NRCAM: variants seen among roughly 807,000 people sequenced by gnomAD.
NRCAM encodes NgCAM-related cell adhesion molecule.
Under a neutral mutation model 156.5 loss-of-function variants are expected in NRCAM, and 83 were observed. The ratio of observed to expected loss-of-function variants is 0.53; its 90% CI spans 0.44 to 0.64. The LOEUF (loss-of-function observed/expected upper bound fraction) is 0.64. Ranked by LOEUF, NRCAM falls within the 30% of genes least tolerant of loss-of-function variation. The pLI is 0.00. For synonymous variants in NRCAM, 538 were observed against 563.9 expected, an observed-to-expected ratio of 0.95 and a Z score of 0.65; for missense variants, 1,417 against 1,597.3, an observed-to-expected ratio of 0.89 and a Z score of 1.92.
At chr7:108,391,709 G>C (rs900760618) in intron 2 of NRCAM, among the ~76,000 whole-genome samples, 1 of 152,142 alleles carries the variant, frequency 6.6e-6, no homozygotes, top group Admixed American at 6.5e-5. Context: ...GCAGTGGCTG[G>C]TGCCGGTTAT....
At chr7:108,299,140 AAAG>A (rs2098534888) in intron 3 of NRCAM, among the ~76,000 whole-genome samples, 1 of 110,314 alleles carries the variant, frequency 9.1e-6, no homozygotes, top group African/African-American at 3.5e-5. Flanking sequence ...GAAAGAAAGA[AAAG>A]AAAAGTAAAA....
In NRCAM at chr7:108,294,799, G is replaced by C. The variant is rs188249850; in HGVS notation, c.-107+17866C>G. Among the ~76,000 whole-genome samples the C allele has an allele frequency of 9.3e-4, 141 of 152,172 alleles. 1 individual carries two copies. Among genetic ancestry groups the C allele is most frequent in the Middle Eastern group, 3.4e-3 (1 of 294 alleles). On this transcript the variant is annotated intron_variant, in intron 3 of 32. Coordinates refer to ENST00000379028, the MANE Select transcript of NRCAM (RefSeq NM_001037132.4). ...GTCTAGCTCACCCTTACGGTCTTCC[G>C]AATCACTTCCCCTTTTTTGGACATG...
At chr7:108,161,460 A>AT (rs1249477181) in intron 30 of NRCAM, among the ~76,000 whole-genome samples, 2 of 152,238 alleles carry the variant, frequency 1.3e-5, no homozygotes, top group African/African-American at 4.8e-5. Flanking sequence ...GCCCATGCAG[A>AT]TTTGCTTAAT....
intron 3 of NRCAM, among the ~76,000 whole-genome samples, chr7:108,252,962 C>T (rs1480150239): frequency 6.6e-6 from 1 of 152,238 alleles, no homozygotes; most frequent in Non-Finnish European, 1.5e-5. Context: ...GCAGGCTACT[C>T]TGCAGAGGCA....
chr7:108,454,111 T>C (rs948214298), intron 1 of NRCAM, among the ~76,000 whole-genome samples: 4 of 152,226 alleles, frequency 2.6e-5, no homozygotes, highest in Admixed American at 6.5e-5. Context: ...ATGGGTTGGA[T>C]TGTGGGTTAA....
intron 32 of NRCAM, among the ~76,000 whole-genome samples, chr7:108,154,391 C>T (rs975544833): frequency 3.3e-5 from 5 of 152,084 alleles, no homozygotes; most frequent in African/African-American, 1.2e-4. Flanking sequence ...AATTTTGTGT[C>T]GAGCAACATT....
At chr7:108,228,925 T>C (rs1316949407) in intron 8 of NRCAM, among the ~76,000 whole-genome samples, 5 of 152,120 alleles carry the variant, frequency 3.3e-5, no homozygotes, top group Admixed American at 1.3e-4. Flanking sequence ...AGTGCTTTCA[T>C]ATAAGGAGAG....
chr7:108,452,408 T>TAG (rs34543766), intron 1 of NRCAM, among the ~76,000 whole-genome samples: 68 of 151,040 alleles, frequency 4.5e-4, no homozygotes, highest in Non-Finnish European at 6.2e-4. Flanking sequence ...ATTAATGCTG[T>TAG]GGGGGGGGGA....
chr7:108,371,772 AAT>A (rs1230458625), intron 2 of NRCAM, among the ~76,000 whole-genome samples: 1 of 152,142 alleles, frequency 6.6e-6, no homozygotes, highest in Non-Finnish European at 1.5e-5. Context: ...GTACAGTAAA[AAT>A]ATGTTTACTT....
rs2099798495 is a variant in NRCAM, at chr7:108,403,377, GCTA to G, written c.-331-3787_-331-3785del. Among the ~76,000 whole-genome samples the G allele has an allele frequency of 2.0e-5, 3 of 152,056 alleles. No homozygotes were observed. The South Asian group carries it at 6.2e-4, about 32-fold the overall frequency. On this transcript the variant is annotated intron_variant, in intron 1 of 32. Coordinates refer to ENST00000379028, the MANE Select transcript of NRCAM (RefSeq NM_001037132.4). The stretch of plus-strand genomic sequence containing the variant: ...GAACACTATCTAGCAAAATATTAAT[GCTA>G]CTAATAAAAAATTTAAAAGCCAGCA...
At chr7:108,209,823 C>T (rs551440676) in intron 11 of NRCAM, among the ~76,000 whole-genome samples, 9 of 152,194 alleles carry the variant, frequency 5.9e-5, no homozygotes, top group East Asian at 5.8e-4. Context: ...CCATAAACTT[C>T]GATGTCAATG....
intron 2 of NRCAM, among the ~76,000 whole-genome samples, chr7:108,364,758 T>C (rs7797259): frequency 0.011 from 1,701 of 148,794 alleles, 29 homozygotes; most frequent in African/African-American, 0.04. Flanking sequence ...AAAAAAGCCA[T>C]TCCACTCATA....
chr7:108,295,235 A>T (rs932513443), intron 3 of NRCAM, among the ~76,000 whole-genome samples: 1 of 152,190 alleles, frequency 6.6e-6, no homozygotes, highest in Non-Finnish European at 1.5e-5. Context: ...GGCACTTTTC[A>T]TATGTTAACT....
At chr7:108,357,256 T>A (rs2099510614) in intron 2 of NRCAM, among the ~76,000 whole-genome samples, 1 of 152,232 alleles carries the variant, frequency 6.6e-6, no homozygotes, top group Non-Finnish European at 1.5e-5. Context: ...TTTAAAGTTC[T>A]GTTCAGATTT....
chr7:108,176,788 C>T, intron 26 of NRCAM, 182 bp from the exon 27 acceptor site: 1 of 536,928 alleles, frequency 1.9e-6, no homozygotes, highest in South Asian at 2.5e-5. Context: ...TATGTTCTAT[C>T]ATATCGTATC....
rs115286653 is a variant in NRCAM, at chr7:108,367,896, T to C, written c.-174+31540A>G. Among the ~76,000 whole-genome samples, 1,086 of 152,332 alleles carry C rather than the reference T, an allele frequency of 7.1e-3. 15 individuals carry two copies. Among genetic ancestry groups the C allele is most frequent in the African/African-American group, 0.025 (1,050 of 41,576 alleles). ...ATATAAAGCACACATGCCTTATCTA[T>C]CAATGTCAAACATTTATATATAAAA... On this transcript the variant is annotated intron_variant, in intron 2 of 32. Coordinates refer to ENST00000379028, the MANE Select transcript of NRCAM (RefSeq NM_001037132.4).
intron 2 of NRCAM, among the ~76,000 whole-genome samples, chr7:108,388,877 C>T (rs546155669): frequency 1.6e-4 from 24 of 151,862 alleles, no homozygotes; most frequent in African/African-American, 4.8e-4. Flanking sequence ...TGTAGATATG[C>T]GGCATTAATT....
rs545537768 is a variant in NRCAM, at chr7:108,360,030, T to C, written c.-174+39406A>G. On this transcript the variant is annotated intron_variant, in intron 2 of 32. Transcript: ENST00000379028. ...TTAGATTCATCCATGTTCCAGATGT[T>C]TTAAGCAGGAAAAATAATATGATTA... Among the ~76,000 whole-genome samples, 3 of 152,342 alleles carry C rather than the reference T, an allele frequency of 2.0e-5. No individual in the cohort carries two copies. In the South Asian group the frequency reaches 6.2e-4, roughly 32 times the overall value.
At chr7:108,363,939 G>C (rs2099575373) in intron 2 of NRCAM, among the ~76,000 whole-genome samples, 1 of 151,936 alleles carries the variant, frequency 6.6e-6, no homozygotes, top group Non-Finnish European at 1.5e-5. Flanking sequence ...AATGTAATAT[G>C]GTATCCTAGA....
Sources: gnomAD v4.1 joint callset for allele counts (sites outside exome capture counted in the v4.1 genomes callset) on GRCh38, gnomAD v4.1.1 for gene constraint, MANE v1.5 for transcripts, NCBI Gene and HGNC (gene_info 2026-07-23, HGNC 2026-07-21) for gene names.